SLC8A1: variants seen among roughly 807,000 people sequenced by gnomAD.
SLC8A1 encodes the protein solute carrier family 8 member A1.
A neutral mutation model predicts 68.3 loss-of-function variants in SLC8A1; 18 were observed. The ratio of observed to expected loss-of-function variants is 0.26; its 90% CI spans 0.18 to 0.39. The LOEUF (loss-of-function observed/expected upper bound fraction) is 0.39. Ranked by LOEUF, SLC8A1 falls within the 10% of genes least tolerant of loss-of-function variation. SLC8A1 has a pLI of 1.00. For missense variants in SLC8A1, 985 were observed against 1,156.7 expected, an observed-to-expected ratio of 0.85 and a Z score of 2.15; for synonymous variants, 475 against 415.5, an observed-to-expected ratio of 1.14 and a Z score of -1.74.
At chr2:40,301,832 G>C (rs1425585860) in intron 2 of SLC8A1, among the ~76,000 whole-genome samples, 1 of 151,978 alleles carries the variant, frequency 6.6e-6, no homozygotes, top group African/African-American at 2.4e-5. Context: ...TGAGATTTTG[G>C]TGTGCCCATC....
intron 2 of SLC8A1, among the ~76,000 whole-genome samples, chr2:40,249,610 T>C (rs770566438): frequency 9.3e-5 from 14 of 151,344 alleles, no homozygotes; most frequent in Non-Finnish European, 1.5e-4. Flanking sequence ...TCTAAAAATA[T>C]TCAAGCTTTT....
chr2:40,219,697 T>TGC (rs1218796266), intron 2 of SLC8A1, among the ~76,000 whole-genome samples: 1 of 152,172 alleles, frequency 6.6e-6, no homozygotes, highest in Non-Finnish European at 1.5e-5. Context: ...CAAGCAAAGG[T>TGC]GTTTTAAAAT....
At chr2:40,207,167 A>G (rs1350245308) in intron 2 of SLC8A1, among the ~76,000 whole-genome samples, 1 of 152,002 alleles carries the variant, frequency 6.6e-6, no homozygotes, top group African/African-American at 2.4e-5. Context: ...ACATAAAATA[A>G]TGGTATATAC....
intron 6 of SLC8A1, among the ~76,000 whole-genome samples, chr2:40,146,096 A>G (rs1458506029): frequency 1.3e-5 from 2 of 152,220 alleles, no homozygotes; most frequent in Non-Finnish European, 2.9e-5. Flanking sequence ...ATATTGGAAG[A>G]CACTTCCTAT....
chr2:40,340,554 CCTT>C (rs1307517719), intron 2 of SLC8A1, among the ~76,000 whole-genome samples: 1 of 152,124 alleles, frequency 6.6e-6, no homozygotes, highest in African/African-American at 2.4e-5. Context: ...GAGTGAGACT[CCTT>C]CTTAAAAAGA....
intron 2 of SLC8A1, among the ~76,000 whole-genome samples, chr2:40,380,294 T>C (rs966892296): frequency 6.6e-6 from 1 of 152,154 alleles, no homozygotes; most frequent in Non-Finnish European, 1.5e-5. Context: ...GCAAGGCCCT[T>C]GCCTTCACAG....
intron 2 of SLC8A1, among the ~76,000 whole-genome samples, chr2:40,273,124 G>T (rs2066258849): frequency 6.6e-6 from 1 of 152,060 alleles, no homozygotes; most frequent in African/African-American, 2.4e-5. Context: ...TGGATTTTTA[G>T]TAGAGACGGG....
rs375670358 is a variant in SLC8A1 at position 40,134,449 on chromosome 2, GA to G, written c.2437+4951del. On this transcript the variant is annotated intron_variant, in intron 7 of 7. Transcript: ENST00000406785. ...CTGGGTCTTGCGAGAAGGGATCATA[GA>G]AGAGAAAAGAATGAAGAAAATACCA... Among the ~76,000 whole-genome samples the G allele has an allele frequency of 8.5e-5, 13 of 152,210 alleles. No individual in the cohort carries two copies. In the East Asian group the frequency reaches 2.5e-3, roughly 29 times the overall value.
chr2:40,159,717 T>TAAA (rs2045317962), intron 6 of SLC8A1, among the ~76,000 whole-genome samples: 1 of 152,298 alleles, frequency 6.6e-6, no homozygotes, highest in Non-Finnish European at 1.5e-5. Context: ...ACCCACCATT[T>TAAA]AATGTTCATA....
At chr2:40,324,614 T>C (rs969537577) in intron 2 of SLC8A1, among the ~76,000 whole-genome samples, 5 of 152,136 alleles carry the variant, frequency 3.3e-5, no homozygotes, top group Non-Finnish European at 7.4e-5. Flanking sequence ...GGCAATTTTG[T>C]TCATCCACTG....
At chr2:40,152,633 C>T (rs1168402229) in intron 6 of SLC8A1, among the ~76,000 whole-genome samples, 2 of 148,924 alleles carry the variant, frequency 1.3e-5, no homozygotes, top group African/African-American at 2.5e-5. Flanking sequence ...CCAGGCTGGT[C>T]TCAAACTCCT....
At chr2:40,428,534 C>T in exon 2 of SLC8A1, 1 of 1,613,272 alleles carries the variant, frequency 6.2e-7, no homozygotes, top group Non-Finnish European at 8.5e-7. Flanking sequence ...TCCCCTCCAC[C>T]TCTGGCAGTC....
chr2:40,375,313 A>G (rs1679454675), intron 2 of SLC8A1, among the ~76,000 whole-genome samples: 1 of 152,072 alleles, frequency 6.6e-6, no homozygotes, highest in Non-Finnish European at 1.5e-5. Flanking sequence ...TATTGGTAAT[A>G]TTTATCTTCC....
rs575742403 is a variant in SLC8A1, at chr2:40,419,230, C to T, written c.1808+9243G>A. ...AGGGCCCAGCCCTTCTGGATTCCACCGGCTACTTCTGGCTTCTCAAACACA... is the reference window on the plus strand; with the variant it reads ...AGGGCCCAGCCCTTCTGGATTCCACTGGCTACTTCTGGCTTCTCAAACACA... On this transcript the variant is annotated intron_variant, in intron 2 of 7. Coordinates refer to ENST00000406785, the Ensembl canonical transcript of SLC8A1. Among the ~76,000 whole-genome samples, 14 of 152,236 alleles carry T rather than the reference C, an allele frequency of 9.2e-5. No homozygotes were observed. The South Asian group carries it at 1.9e-3, about 20-fold the overall frequency.
Position 40,491,276 on chromosome 2 carries a change from T to C in SLC8A1, c.-25+21073A>G, listed in dbSNP as rs946322197. On this transcript the variant is annotated intron_variant, in intron 1 of 7. Transcript: ENST00000402441. ...GAATGGGAGTTCACTCATGATTTGG[T>C]TCTCTGTTTGTCTGTTATTGGTGTA... Among the ~76,000 whole-genome samples, 10 of 152,176 alleles carry C rather than the reference T, an allele frequency of 6.6e-5. No individual in the cohort carries two copies. The East Asian group carries it at 1.4e-3, about 21-fold the overall frequency.
At chr2:40,292,243 G>T (rs537081526) in intron 2 of SLC8A1, among the ~76,000 whole-genome samples, 11 of 152,066 alleles carry the variant, frequency 7.2e-5, no homozygotes, top group Non-Finnish European at 1.6e-4. Context: ...CAGAACTTTT[G>T]TACCCCTGAT....
intron 1 of SLC8A1, among the ~76,000 whole-genome samples, chr2:40,451,159 G>C (rs960179157): frequency 6.6e-6 from 1 of 152,136 alleles, no homozygotes; most frequent in Non-Finnish European, 1.5e-5. Context: ...TCAGAACACA[G>C]ACCATTTCCC....
At chr2:40,180,514 AAAAC>A (rs954838599) in intron 2 of SLC8A1, among the ~76,000 whole-genome samples, 6 of 152,314 alleles carry the variant, frequency 3.9e-5, no homozygotes, top group African/African-American at 1.4e-4. Flanking sequence ...CATTTCTACA[AAAAC>A]AAACAGCATG....
chr2:40,455,585 G>A (rs1303159308), upstream of SLC8A1, among the ~76,000 whole-genome samples: 1 of 152,172 alleles, frequency 6.6e-6, no homozygotes, highest in African/African-American at 2.4e-5. Context: ...GCCAGTGAGT[G>A]GAGCTTAGAA....
Sources: allele counts gnomAD v4.1 joint callset (sites outside exome capture counted in the v4.1 genomes callset), GRCh38; gene constraint gnomAD v4.1.1; transcripts MANE v1.5; gene names NCBI Gene and HGNC (gene_info 2026-07-23, HGNC 2026-07-21).